Variants in CDC14A observed in about 807,000 individuals in gnomAD.
The protein encoded by CDC14A is dual specificity protein phosphatase CDC14A.
In CDC14A, 53 loss-of-function variants were observed where a neutral mutation model predicts 74.4. The ratio of observed to expected loss-of-function variants is 0.71; its 90% CI spans 0.57 to 0.89. The LOEUF is 0.89. Ranked by LOEUF, CDC14A falls within the 40% of genes least tolerant of loss-of-function variation. The pLI, the probability that CDC14A is intolerant of heterozygous loss-of-function variation, is 0.00. For synonymous variants in CDC14A, 247 were observed against 258.4 expected (o/e 0.96, Z 0.43); for missense variants, 646 against 713.7 (o/e 0.91, Z 1.08).
chr1:100,458,728 T>C (rs1334064621), intron 8 of CDC14A, among the ~76,000 whole-genome samples: 5 of 151,814 alleles, frequency 3.3e-5, no homozygotes, highest in African/African-American at 9.7e-5. Flanking sequence ...TGTGTTTTTC[T>C]GAGGAGGCTG....
intron 15 of CDC14A, among the ~76,000 whole-genome samples, chr1:100,512,026 G>A (rs561552733): frequency 3.9e-5 from 6 of 151,950 alleles, no homozygotes; most frequent in Non-Finnish European, 8.8e-5. Flanking sequence ...GGCACGACCT[G>A]CCTTAAGCCT....
chr1:100,387,386 A>G (rs1657023914), intron 3 of CDC14A, among the ~76,000 whole-genome samples: 1 of 152,210 alleles, frequency 6.6e-6, no homozygotes, highest in African/African-American at 2.4e-5. Context: ...ATGCTGGCCA[A>G]GCTTCGCTAA....
At chr1:100,393,150 A>T in intron 4 of CDC14A, 1 of 1,529,054 alleles carries the variant, frequency 6.5e-7, no homozygotes, top group East Asian at 2.3e-5. Flanking sequence ...TACTACAGAT[A>T]TCCAATTTGA....
intron 15 of CDC14A, among the ~76,000 whole-genome samples, chr1:100,504,522 G>A (rs1484633772): frequency 6.6e-6 from 1 of 152,164 alleles, no homozygotes; most frequent in African/African-American, 2.4e-5. Flanking sequence ...ATACATAAAC[G>A]AAAAGTGTGG....
intron 14 of CDC14A, 100 bp downstream of exon 14, chr1:100,498,307 GGA>G: frequency 7.7e-7 from 1 of 1,305,254 alleles, no homozygotes; most frequent in Non-Finnish European, 1.1e-6. Context: ...AGGGGACAAG[GGA>G]GAAGAGGAGA....
At chr1:100,377,444 G>A (rs1374113953) in intron 2 of CDC14A, 102 bp from the exon 3 acceptor site, 1 of 782,986 alleles carries the variant, frequency 1.3e-6, no homozygotes, top group Non-Finnish European at 2.1e-6. Flanking sequence ...TAAGATAATT[G>A]AAATTTGATT....
chr1:100,506,264 T>A (rs913817706), intron 15 of CDC14A, among the ~76,000 whole-genome samples: 1 of 152,212 alleles, frequency 6.6e-6, no homozygotes, highest in African/African-American at 2.4e-5. Flanking sequence ...TGTATATTTA[T>A]GTTGCTGTGG....
intron 8 of CDC14A, among the ~76,000 whole-genome samples, chr1:100,461,519 T>G (rs1300874414): frequency 2.7e-5 from 4 of 149,904 alleles, no homozygotes; most frequent in African/African-American, 1.0e-4. Context: ...TATGTTAGGG[T>G]TCAGTGAATT....
chr1:100,413,115 C>T (rs927792581), intron 4 of CDC14A, among the ~76,000 whole-genome samples: 1 of 152,078 alleles, frequency 6.6e-6, no homozygotes, highest in Non-Finnish European at 1.5e-5. Context: ...AAGGACAATA[C>T]TGTCATGTGG....
chr1:100,356,603 C>T (rs771696281), intron 2 of CDC14A, among the ~76,000 whole-genome samples: 10 of 152,188 alleles, frequency 6.6e-5, no homozygotes, highest in African/African-American at 2.4e-4. Flanking sequence ...CGCCTGTAAT[C>T]ACAGCACTTT....
intron 4 of CDC14A, among the ~76,000 whole-genome samples, chr1:100,408,664 T>C (rs1660262396): frequency 6.6e-6 from 1 of 152,358 alleles, no homozygotes; most frequent in Middle Eastern, 3.4e-3. Context: ...ATTTCTCTAA[T>C]GATCAGTGAT....
intron 4 of CDC14A, among the ~76,000 whole-genome samples, chr1:100,406,027 C>G (rs1659897863): frequency 6.6e-6 from 1 of 152,204 alleles, no homozygotes; most frequent in African/African-American, 2.4e-5. Flanking sequence ...TCTCCGCAGT[C>G]TCACCAGCAT....
At chr1:100,489,152 C>A (rs1036373859) in intron 11 of CDC14A, among the ~76,000 whole-genome samples, 1 of 152,134 alleles carries the variant, frequency 6.6e-6, no homozygotes, top group Non-Finnish European at 1.5e-5. Flanking sequence ...CTTTGCCTTT[C>A]CCCAGCACTT....
chr1:100,422,149 G>T (rs1183039268), intron 4 of CDC14A, among the ~76,000 whole-genome samples: 2 of 152,120 alleles, frequency 1.3e-5, no homozygotes, highest in East Asian at 1.9e-4. Context: ...AAAACAAAGG[G>T]TCTCATCTTG....
chr1:100,485,117 A>G (rs1669897675), intron 11 of CDC14A: 1 of 985,194 alleles, frequency 1.0e-6, no homozygotes. Context: ...AATAGAAGTG[A>G]TTTACTAAGA....
chr1:100,516,295 C>T (rs1395103679), intron 15 of CDC14A, among the ~76,000 whole-genome samples: 18 of 152,036 alleles, frequency 1.2e-4, no homozygotes. Flanking sequence ...TGCACACACA[C>T]ATATTTGCCC....
intron 10 of CDC14A, among the ~76,000 whole-genome samples, chr1:100,469,957 A>G (rs932755232): frequency 1.3e-5 from 2 of 152,240 alleles, no homozygotes; most frequent in Non-Finnish European, 2.9e-5. Context: ...CTTAAGCTGT[A>G]TATAAAGAAC....
chr1:100,421,740 G>A (rs750967713), intron 4 of CDC14A, among the ~76,000 whole-genome samples: 4 of 152,266 alleles, frequency 2.6e-5, no homozygotes, highest in East Asian at 3.9e-4. Flanking sequence ...CCCACTGTTC[G>A]AATTCTGTTT....
chr1:100,455,626 C>A, intron 8 of CDC14A, 134 bp downstream of exon 8: 1 of 635,674 alleles, frequency 1.6e-6, no homozygotes, highest in African/African-American at 1.9e-5. Flanking sequence ...AAAAATTGAA[C>A]AGTAGTAATA....
Sources: gnomAD v4.1 joint callset for allele counts (sites outside exome capture counted in the v4.1 genomes callset) on GRCh38, gnomAD v4.1.1 for gene constraint, MANE v1.5 for transcripts, NCBI Gene and HGNC (gene_info 2026-07-23, HGNC 2026-07-21) for gene names.